The following ROBO1 variants were observed in gnomAD, a reference collection of about 807,000 sequenced individuals.
ROBO1 encodes the protein roundabout homolog 1.
Under a neutral mutation model 195.9 loss-of-function variants are expected in ROBO1, and 149 were observed. The observed-to-expected ratio is 0.76, with a 90% CI of 0.67 to 0.87. The LOEUF (loss-of-function observed/expected upper bound fraction) is 0.87. Ranked by LOEUF, ROBO1 falls within the 40% of genes least tolerant of loss-of-function variation. The probability of loss-of-function intolerance (pLI) is 0.00; values close to 1 mark genes in which losing one functional copy is unlikely to be tolerated. For synonymous variants in ROBO1, 816 were observed against 733.2 expected (o/e 1.11, Z -1.82); for missense variants, 1,933 against 2,068.3 (o/e 0.93, Z 1.27).
At chr3:79,019,416 G>C (rs768106878) in intron 3 of ROBO1, 1 of 986,096 alleles carries the variant, frequency 1.0e-6, no homozygotes, top group Non-Finnish European at 1.2e-6. Flanking sequence ...GATCAGCGGC[G>C]TCTGAAGTTT....
rs545456231 is a variant in ROBO1, at chr3:79,762,411, C to A, written c.-51+5341G>T. 1.4e-3 allele frequency among the ~76,000 whole-genome samples: 213 copies of A among 152,126 alleles called. 1 individual carries two copies. The highest frequency in any genetic ancestry group is 2.4e-3 in the Non-Finnish European group (160 of 67,990). ...AGAAGACACAGCATTCAGAACATAG[C>A]GCAGTCTCATAGTAGAAACGAATAA... On this transcript the variant is annotated intron_variant, in intron 1 of 30. Transcript: ENST00000464233.
chr3:79,687,461 C>T lies in ROBO1; in HGVS notation c.-51+80291G>A, dbSNP rs555284287. ...AACCTACAGAATGGGAGAAATTTTT[C>T]GCAATGTACTCATCTGACAAAGGGC... is the stretch of plus-strand genomic sequence containing the variant. On this transcript the variant is annotated intron_variant, in intron 1 of 30. Coordinates refer to ENST00000464233, the MANE Select transcript of ROBO1 (RefSeq NM_002941.4). 1.5e-4 allele frequency among the ~76,000 whole-genome samples: 23 copies of T among 152,070 alleles called. 1 individual carries two copies. Among genetic ancestry groups the T allele is most frequent in the South Asian group, 8.3e-4 (4 of 4,822 alleles).
At chr3:79,018,348 A>G (rs1460873842) in intron 3 of ROBO1, 15 of 1,603,252 alleles carry the variant, frequency 9.4e-6, no homozygotes, top group East Asian at 4.5e-5. Flanking sequence ...TTGATCGTGC[A>G]AAGTGGAGAG....
At chr3:79,058,258 A>G (rs2078849765) in intron 3 of ROBO1, among the ~76,000 whole-genome samples, 1 of 152,080 alleles carries the variant, frequency 6.6e-6, no homozygotes, top group African/African-American at 2.4e-5. Flanking sequence ...TATTTAAAAA[A>G]CAATTGCTCC....
chr3:79,692,328 A>C (rs1442557969), intron 1 of ROBO1, among the ~76,000 whole-genome samples: 3 of 151,902 alleles, frequency 2.0e-5, no homozygotes, highest in Non-Finnish European at 2.9e-5. Context: ...AATAATAAAG[A>C]AAGCTGAGAA....
At chr3:79,406,488 G>T (rs1006901270) in intron 2 of ROBO1, among the ~76,000 whole-genome samples, 2 of 151,782 alleles carry the variant, frequency 1.3e-5, no homozygotes, top group East Asian at 1.9e-4. Context: ...ATGCTTCCTG[G>T]CATATTTATG....
chr3:79,343,681 T>C (rs1284359759), intron 2 of ROBO1, among the ~76,000 whole-genome samples: 1 of 151,772 alleles, frequency 6.6e-6, no homozygotes, highest in Non-Finnish European at 1.5e-5. Context: ...TACAGAAAAG[T>C]AGGGTCCTAT....
chr3:79,047,217 C>A (rs765880058), intron 3 of ROBO1, among the ~76,000 whole-genome samples: 4 of 152,176 alleles, frequency 2.6e-5, no homozygotes, highest in Non-Finnish European at 5.9e-5. Flanking sequence ...TGTAGCAACA[C>A]TATTGCAGTA....
At chr3:79,084,483 G>A (rs1044922530) in intron 3 of ROBO1, among the ~76,000 whole-genome samples, 1 of 152,156 alleles carries the variant, frequency 6.6e-6, no homozygotes, top group Non-Finnish European at 1.5e-5. Context: ...GGCAACAAGA[G>A]CGAAACTCCA....
chr3:79,681,077 C>G (rs1386586661), intron 1 of ROBO1, among the ~76,000 whole-genome samples: 1 of 151,862 alleles, frequency 6.6e-6, no homozygotes, highest in East Asian at 1.9e-4. Flanking sequence ...ACCAAATCAC[C>G]TTGTGTAGTT....
chr3:78,948,412 A>G (rs1168703658), intron 3 of ROBO1, among the ~76,000 whole-genome samples: 1 of 152,176 alleles, frequency 6.6e-6, no homozygotes, highest in Non-Finnish European at 1.5e-5. Context: ...AAAGACAAAA[A>G]CCACATGACT....
At chr3:79,730,963 G>C (rs1576293859) in intron 1 of ROBO1, among the ~76,000 whole-genome samples, 1 of 151,920 alleles carries the variant, frequency 6.6e-6, no homozygotes, top group Non-Finnish European at 1.5e-5. Flanking sequence ...ATTTTTAGTA[G>C]AGACGGGGTT....
At chr3:79,019,037 C>A in intron 3 of ROBO1, 2 of 988,808 alleles carry the variant, frequency 2.0e-6, no homozygotes, top group Non-Finnish European at 2.4e-6. Flanking sequence ...TGACTCCGCG[C>A]GCAGAGAGCG....
At chr3:79,560,370 C>T (rs561390924) in intron 2 of ROBO1, among the ~76,000 whole-genome samples, 1 of 95,704 alleles carries the variant, frequency 1.0e-5, no homozygotes, top group South Asian at 3.3e-4. Context: ...ACATCACACT[C>T]TGGGGACTGT....
rs193274509 is a variant in ROBO1, at chr3:78,756,149, C to T, written c.500-9249G>A. On this transcript the variant is annotated intron_variant, in intron 4 of 30. Transcript: ENST00000464233. ...AATACAGACACGTGACATACATGAC[C>T]GCTAGTCATTGATATACTGTGATGG... is the stretch of plus-strand genomic sequence containing the variant. Among the ~76,000 whole-genome samples the T allele has an allele frequency of 6.6e-5, 10 of 151,878 alleles. No individual in the cohort carries two copies. In the East Asian group the frequency reaches 9.7e-4, roughly 15 times the overall value.
chr3:79,237,819 TC>T (rs972921937), intron 2 of ROBO1, among the ~76,000 whole-genome samples: 4 of 152,084 alleles, frequency 2.6e-5, no homozygotes, highest in African/African-American at 9.7e-5. Flanking sequence ...AGCTCTTGGA[TC>T]CAAAAAATTT....
chr3:79,209,472 A>AT (rs542237599), intron 2 of ROBO1, among the ~76,000 whole-genome samples: 260 of 151,370 alleles, frequency 1.7e-3, no homozygotes, highest in African/African-American at 6.1e-3. Context: ...TGTTTTTTTT[A>AT]TTTTTTTATA....
At chr3:79,764,169 C>T (rs900549637) in intron 1 of ROBO1, among the ~76,000 whole-genome samples, 18 of 152,278 alleles carry the variant, frequency 1.2e-4, no homozygotes, top group East Asian at 1.9e-4. Context: ...ATTGCAGGTA[C>T]GGTGACTAAC....
intron 8 of ROBO1, among the ~76,000 whole-genome samples, chr3:78,705,321 T>G (rs78089014): frequency 0.019 from 2,821 of 152,316 alleles, 83 homozygotes; most frequent in African/African-American, 0.063. Flanking sequence ...ACAACAACTG[T>G]ATTTGCATAA....
Sources: allele counts gnomAD v4.1 joint callset (sites outside exome capture counted in the v4.1 genomes callset), GRCh38; gene constraint gnomAD v4.1.1; transcripts MANE v1.5; gene names NCBI Gene and HGNC (gene_info 2026-07-23, HGNC 2026-07-21).